DGKB: variants seen among roughly 807,000 people sequenced by gnomAD.
DGKB encodes the protein 90 kDa diacylglycerol kinase.
In DGKB, 67 loss-of-function variants were observed where a neutral mutation model predicts 114.3. That is an observed-to-expected ratio of 0.59 (90% CI 0.48 to 0.72). DGKB has a LOEUF of 0.72. Among genes scored for constraint, DGKB ranks in the 30% least tolerant of loss-of-function variants. The probability of loss-of-function intolerance (pLI) is 0.00; values close to 1 mark genes in which losing one functional copy is unlikely to be tolerated. For missense variants in DGKB, 907 were observed against 975.2 expected (o/e 0.93, Z 0.93); for synonymous variants, 398 against 323.1 (o/e 1.23, Z -2.49).
intron 2 of DGKB, among the ~76,000 whole-genome samples, chr7:14,763,618 A>G (rs1343165205): frequency 2.0e-5 from 3 of 152,076 alleles, no homozygotes; most frequent in Non-Finnish European, 4.4e-5. Flanking sequence ...TAGGAACCTC[A>G]TTATTACAAC....
chr7:14,509,266 C>A (rs371027302), intron 20 of DGKB, among the ~76,000 whole-genome samples: 1 of 151,924 alleles, frequency 6.6e-6, no homozygotes, highest in Non-Finnish European at 1.5e-5. Flanking sequence ...TTCTGGGGTG[C>A]CAGTTGAGTT....
chr7:14,736,465 G>GA (rs1310359959), intron 4 of DGKB, among the ~76,000 whole-genome samples: 5 of 82,506 alleles, frequency 6.1e-5, no homozygotes, highest in Non-Finnish European at 1.6e-4. Context: ...GTAATGCCTT[G>GA]AAAAATGTAC....
At chr7:14,266,723 C>A (rs971029400) in intron 23 of DGKB, among the ~76,000 whole-genome samples, 1 of 152,102 alleles carries the variant, frequency 6.6e-6, no homozygotes, top group African/African-American at 2.4e-5. Context: ...TCTCTTTAAC[C>A]CTTTGATTGC....
At chr7:14,617,487 A>G (rs185927061) in intron 15 of DGKB, among the ~76,000 whole-genome samples, 351 of 151,716 alleles carry the variant, frequency 2.3e-3, no homozygotes, top group African/African-American at 7.9e-3. Context: ...ACGTCTTATA[A>G]CCCCTGAATA....
intron 4 of DGKB, among the ~76,000 whole-genome samples, chr7:14,741,395 G>A (rs1393223335): frequency 6.6e-6 from 1 of 152,166 alleles, no homozygotes; most frequent in African/African-American, 2.4e-5. Context: ...GTTGTGCTCT[G>A]CATGTCTTTC....
chr7:14,290,441 C>A (rs1801584441), intron 23 of DGKB, among the ~76,000 whole-genome samples: 1 of 152,048 alleles, frequency 6.6e-6, no homozygotes, highest in Non-Finnish European at 1.5e-5. Flanking sequence ...ACACAAAGAA[C>A]CCCAATGTGT....
chr7:14,171,259 G>T (rs1476023122), intron 25 of DGKB, among the ~76,000 whole-genome samples: 1 of 152,176 alleles, frequency 6.6e-6, no homozygotes, highest in East Asian at 1.9e-4. Context: ...CTATCACTTT[G>T]TAGAGTCTTC....
At chr7:14,688,389 C>T (rs886189724) in intron 9 of DGKB, among the ~76,000 whole-genome samples, 1 of 152,172 alleles carries the variant, frequency 6.6e-6, no homozygotes, top group Non-Finnish European at 1.5e-5. Flanking sequence ...AAAATACCCA[C>T]TTCCCTTTTC....
intron 1 of DGKB, among the ~76,000 whole-genome samples, chr7:14,872,781 A>C (rs570584750): frequency 3.3e-5 from 5 of 150,726 alleles, no homozygotes; most frequent in South Asian, 4.2e-4. Context: ...TCTAAATTTG[A>C]TTGTTTATGT....
intron 23 of DGKB, among the ~76,000 whole-genome samples, chr7:14,180,644 G>A (rs556823887): frequency 3.7e-4 from 56 of 152,204 alleles, no homozygotes; most frequent in Middle Eastern, 3.4e-3. Flanking sequence ...CTCTAAATTT[G>A]TGTTGCACGA....
At chr7:14,279,945 C>T (rs1415192384) in intron 23 of DGKB, among the ~76,000 whole-genome samples, 1 of 152,142 alleles carries the variant, frequency 6.6e-6, no homozygotes, top group African/African-American at 2.4e-5. Context: ...CTCTAAAAAT[C>T]AGAGCGACTC....
chr7:14,244,707 G>T (rs1263540758), intron 23 of DGKB, among the ~76,000 whole-genome samples: 1 of 150,342 alleles, frequency 6.7e-6, no homozygotes, highest in East Asian at 2.0e-4. Context: ...GTGCCTTTGG[G>T]AGTTGATTAG....
intron 6 of DGKB, among the ~76,000 whole-genome samples, chr7:14,712,670 CAAAAT>C (rs1000371596): frequency 2.0e-5 from 3 of 148,968 alleles, no homozygotes; most frequent in African/African-American, 7.5e-5. Flanking sequence ...GACTGTGTCT[CAAAAT>C]AAATAAATAA....
intron 1 of DGKB, among the ~76,000 whole-genome samples, chr7:14,922,375 C>CGTGTGTGTGT (rs150420213): frequency 1.7e-4 from 20 of 118,212 alleles, no homozygotes; most frequent in African/African-American, 5.3e-4. Context: ...GTGTATCCAT[C>CGTGTGTGTGT]GTGTGTGTGT....
At chr7:14,754,031 T>C in intron 3 of DGKB, 83 bp from the exon 4 acceptor site, 2 of 1,008,794 alleles carry the variant, frequency 2.0e-6, no homozygotes, top group Non-Finnish European at 3.0e-6. Context: ...ATTATTTAGC[T>C]AAAAGTTCAA....
chr7:14,799,151 A>T (rs1230525745), intron 2 of DGKB, among the ~76,000 whole-genome samples: 1 of 152,194 alleles, frequency 6.6e-6, no homozygotes, highest in African/African-American at 2.4e-5. Flanking sequence ...TGTGGTTTTA[A>T]TGCTTGAGCA....
At chr7:14,286,400 T>C (rs1800880021) in intron 23 of DGKB, among the ~76,000 whole-genome samples, 1 of 152,178 alleles carries the variant, frequency 6.6e-6, no homozygotes, top group Non-Finnish European at 1.5e-5. Flanking sequence ...AGTGAAAGAA[T>C]ACAGAGAATG....
chr7:14,280,941 A>C (rs1434545310), intron 23 of DGKB, among the ~76,000 whole-genome samples: 1 of 151,888 alleles, frequency 6.6e-6, no homozygotes, highest in Non-Finnish European at 1.5e-5. Flanking sequence ...ACTAGGAAGA[A>C]ACTGCATCAA....
intron 20 of DGKB, among the ~76,000 whole-genome samples, chr7:14,557,653 T>C (rs1418418640): frequency 6.6e-6 from 1 of 152,086 alleles, no homozygotes; most frequent in Admixed American, 6.5e-5. Flanking sequence ...CATATTGGCT[T>C]TTGATAGAAA....
Sources: gnomAD v4.1 joint callset for allele counts (sites outside exome capture counted in the v4.1 genomes callset) on GRCh38, gnomAD v4.1.1 for gene constraint, MANE v1.5 for transcripts, NCBI Gene and HGNC (gene_info 2026-07-23, HGNC 2026-07-21) for gene names.